The following TAF2 variants were observed in gnomAD, a reference collection of about 807,000 sequenced individuals.
TAF2 encodes transcription initiation factor TFIID subunit 2.
In TAF2, 61 loss-of-function variants were observed where a neutral mutation model predicts 138.5. That is an observed-to-expected ratio of 0.44 (90% confidence interval 0.36 to 0.54). The LOEUF (loss-of-function observed/expected upper bound fraction) is 0.54, where lower values mean the gene tolerates loss of function less well. Ranked by LOEUF, TAF2 falls within the 20% of genes least tolerant of loss-of-function variation. The pLI is 0.00. For synonymous variants in TAF2, 475 were observed against 469.9 expected, an observed-to-expected ratio of 1.01 and a Z score of -0.14; for missense variants, 1,090 against 1,427.9, an observed-to-expected ratio of 0.76 and a Z score of 3.81.
chr8:119,767,077 T>C (rs1428297671), intron 18 of TAF2: 2 of 152,128 alleles, frequency 1.3e-5, no homozygotes, highest in South Asian at 2.1e-4. Context: ...CCACTTACTA[T>C]AGGGGGATAA....
intron 20 of TAF2, among the ~76,000 whole-genome samples, chr8:119,758,939 A>T (rs1376600616): frequency 1.3e-5 from 2 of 152,130 alleles, no homozygotes; most frequent in Non-Finnish European, 2.9e-5. Flanking sequence ...ATTAAATTAC[A>T]TCTATTAAAG....
intron 25 of TAF2, among the ~76,000 whole-genome samples, chr8:119,735,503 T>C (rs959677050): frequency 2.0e-5 from 3 of 152,232 alleles, no homozygotes; most frequent in Non-Finnish European, 4.4e-5. Flanking sequence ...CAGGCACTGC[T>C]CCAATATTTT....
intron 23 of TAF2, among the ~76,000 whole-genome samples, chr8:119,745,757 A>G (rs2131005725): frequency 6.6e-6 from 1 of 152,118 alleles, no homozygotes; most frequent in East Asian, 1.9e-4. Flanking sequence ...ATTTTATAAT[A>G]CAAAGGTAGA....
intron 18 of TAF2, among the ~76,000 whole-genome samples, chr8:119,765,296 C>T (rs575802263): frequency 6.6e-6 from 1 of 151,488 alleles, no homozygotes; most frequent in East Asian, 1.9e-4. Flanking sequence ...GCAAGCAAAA[C>T]AGAAAAAAGA....
intron 2 of TAF2, 103 bp downstream of exon 2, chr8:119,831,574 C>A (rs1357194080): frequency 6.1e-6 from 5 of 816,562 alleles, no homozygotes; most frequent in Non-Finnish European, 7.9e-6. Flanking sequence ...TCTTGAAACA[C>A]AATTATCTGG....
intron 21 of TAF2, 112 bp downstream of exon 21, chr8:119,757,961 G>T (rs549266777): frequency 2.3e-6 from 2 of 882,950 alleles, no homozygotes; most frequent in African/African-American, 1.7e-5. Flanking sequence ...AAATGCAAAA[G>T]ATATTCCCAT....
At chr8:119,804,125 T>C (rs1824452943) in intron 4 of TAF2, 106 bp from the exon 5 acceptor site, 5 of 1,379,370 alleles carry the variant, frequency 3.6e-6, no homozygotes, top group African/African-American at 1.4e-5. Flanking sequence ...AGGACTGAGA[T>C]TTATATGAAA....
chr8:119,809,244 T>C (rs1400457449), intron 3 of TAF2, among the ~76,000 whole-genome samples: 1 of 152,218 alleles, frequency 6.6e-6, no homozygotes, highest in African/African-American at 2.4e-5. Flanking sequence ...AAGTTTCTTT[T>C]CTTAAACCTC....
rs559263132 is a variant in TAF2 at position 119,803,413 on chromosome 8, G to A, written c.560+465C>T. 8.2e-4 allele frequency among the ~76,000 whole-genome samples: 124 copies of A among 152,076 alleles called. 2 individuals are homozygous for A. The South Asian group carries it at 0.024, about 29-fold the overall frequency. On this transcript the variant is annotated intron_variant, in intron 5 of 25. Coordinates refer to ENST00000378164, the MANE Select transcript of TAF2 (RefSeq NM_003184.4). ...GGAGATGTAAGATTGAGGAGGGGTC[G>A]GGCATGGTGGCTCATGCCTGTAATC...
chr8:119,824,929 T>C (rs1193953119), intron 2 of TAF2, among the ~76,000 whole-genome samples: 1 of 152,206 alleles, frequency 6.6e-6, no homozygotes, highest in Non-Finnish European at 1.5e-5. Context: ...CCTAGGCCAG[T>C]GCAGAAGAGA....
chr8:119,783,112 T>C (rs1001701801), intron 16 of TAF2, among the ~76,000 whole-genome samples: 2 of 152,220 alleles, frequency 1.3e-5, no homozygotes, highest in East Asian at 1.9e-4. Flanking sequence ...AAAAATGTGG[T>C]TGGCAATTCA....
In TAF2 at chr8:119,825,103, C is replaced by T. The variant is rs139901506; in HGVS notation, c.139-5597G>A. On this transcript the variant is annotated intron_variant, in intron 2 of 25. Transcript: ENST00000378164. ...CTCAACGCCATCCAGTCAAGGCAGC[C>T]GGGAGGCTGCAACCTGCAAAGTCTC... Among the ~76,000 whole-genome samples, 394 of 152,308 alleles carry T rather than the reference C, an allele frequency of 2.6e-3. 2 individuals are homozygous for T. Among genetic ancestry groups the T allele is most frequent in the Middle Eastern group, 0.01 (3 of 294 alleles).
intron 12 of TAF2, 148 bp downstream of exon 12, chr8:119,789,444 C>T: frequency 2.1e-6 from 2 of 954,342 alleles, no homozygotes; most frequent in Non-Finnish European, 3.3e-6. Context: ...AAACAATTCA[C>T]AGTTCATCAT....
At chr8:119,757,403 C>T (rs1392700780) in intron 21 of TAF2, among the ~76,000 whole-genome samples, 1 of 152,050 alleles carries the variant, frequency 6.6e-6, no homozygotes, top group African/African-American at 2.4e-5. Context: ...AGGCCTCATA[C>T]TCTATTTCTA....
chr8:119,819,622 C>A, intron 2 of TAF2, 116 bp from the exon 3 acceptor site: 1 of 786,210 alleles, frequency 1.3e-6, no homozygotes. Context: ...TCCCTAATAG[C>A]TACATACATA....
chr8:119,814,037 G>T (rs1825279511), intron 3 of TAF2, among the ~76,000 whole-genome samples: 1 of 152,098 alleles, frequency 6.6e-6, no homozygotes, highest in Non-Finnish European at 1.5e-5. Flanking sequence ...GGTAGATGAT[G>T]GCTTCAGTGC....
intron 20 of TAF2, among the ~76,000 whole-genome samples, chr8:119,759,298 T>G (rs574186319): frequency 6.6e-6 from 1 of 152,188 alleles, no homozygotes; most frequent in East Asian, 1.9e-4. Flanking sequence ...AATATACACA[T>G]TATGCTGTTA....
intron 18 of TAF2, among the ~76,000 whole-genome samples, chr8:119,774,012 A>G (rs925717459): frequency 6.6e-6 from 1 of 151,504 alleles, no homozygotes; most frequent in Admixed American, 6.8e-5. Flanking sequence ...TCTACTAAAA[A>G]TACAAAAAAT....
rs1212600271 is a variant in TAF2 at position 119,797,750 on chromosome 8, A to G, written c.889T>C (p.Cys297Arg). Residue 297 changes from cysteine to arginine, a missense_variant, in exon 7 of 26, where the codon TGT (cysteine) becomes CGT (arginine). Cys to Arg is a radical substitution (Grantham distance 180). Transcript: ENST00000378164. ...TTAAAACAGGAGTATGGGTAACGAC[A>G]TGTAAGAATTTCTTCATAAAATTCA... The part of the protein sequence containing the change: ...VFEFYEEILT[C>R]RYPYSCFKTV... 1 of 1,613,616 alleles carries G rather than the reference A, an allele frequency of 6.2e-7. No homozygotes were observed. Among genetic ancestry groups the G allele is most frequent in the Non-Finnish European group, 8.5e-7 (1 of 1,179,694 alleles).
Sources: gnomAD v4.1 joint callset for allele counts (sites outside exome capture counted in the v4.1 genomes callset) on GRCh38, gnomAD v4.1.1 for gene constraint, MANE v1.5 for transcripts, NCBI Gene and HGNC (gene_info 2026-07-23, HGNC 2026-07-21) for gene names.